TCF25: variants seen among roughly 807,000 people sequenced by gnomAD.
TCF25 encodes the protein ribosome quality control complex subunit TCF25.
TCF25 carries 41 observed loss-of-function variants against 83.1 expected under a neutral mutation model. The observed-to-expected ratio is 0.49, with a 90% CI of 0.38 to 0.64. TCF25 has a LOEUF of 0.64. Among genes scored for constraint, TCF25 ranks in the 30% least tolerant of loss-of-function variants. The pLI is 0.00. For missense variants in TCF25, 979 were observed against 914.5 expected (o/e 1.07, Z -0.91); for synonymous variants, 458 against 365.0 (o/e 1.25, Z -2.90).
chr16:89,885,296 C>CTCTGCTCTGTG (rs2042920153), intron 3 of TCF25, among the ~76,000 whole-genome samples: 1 of 152,174 alleles, frequency 6.6e-6, no homozygotes. Flanking sequence ...CTGGTTGGCG[C>CTCTGCTCTGTG]TCTGCTCTGT....
chr16:89,884,879 GC>G (rs1203181776), intron 3 of TCF25, among the ~76,000 whole-genome samples: 5 of 73,766 alleles, frequency 6.8e-5, no homozygotes, highest in African/African-American at 1.7e-4. Context: ...TCTGCCTGAC[GC>G]CCCTCTCCCT....
intron 6 of TCF25, 126 bp from the exon 7 acceptor site, chr16:89,893,602 C>A: frequency 6.9e-7 from 1 of 1,454,694 alleles, no homozygotes; most frequent in Non-Finnish European, 9.4e-7. Context: ...CATGAGTACA[C>A]ACTCAGGTCA....
intron 1 of TCF25, among the ~76,000 whole-genome samples, chr16:89,878,246 C>T (rs1477699636): frequency 3.3e-5 from 5 of 151,820 alleles, no homozygotes; most frequent in African/African-American, 1.2e-4. Context: ...CGCCACCGTA[C>T]TCCAGCCTGG....
intron 1 of TCF25, chr16:89,874,750 G>GTGGA (rs941269058): frequency 3.9e-5 from 6 of 152,048 alleles, no homozygotes; most frequent in African/African-American, 1.5e-4. Context: ...AGGACTACAG[G>GTGGA]TGGATGTCAC....
chr16:89,905,163 G>A, intron 14 of TCF25, 67 bp downstream of exon 14: 1 of 1,476,242 alleles, frequency 6.8e-7, no homozygotes, highest in Admixed American at 2.4e-5. Flanking sequence ...CAGACACGGG[G>A]GCCTCGCATT....
At position 89,875,820 on chromosome 16, in the gene TCF25, C is replaced by CTTTTTTTTTTTTT. The variant is rs1164528945; in HGVS notation, c.192+1977_192+1989dup. Reference sequence around the variant, plus strand: ...TACAGGCGTGAGCCACTGCGCCTGGCTTTTTTTTTTTTTTTTTTTTTTTTT... The same window carrying CTTTTTTTTTTTTT: ...TACAGGCGTGAGCCACTGCGCCTGGCTTTTTTTTTTTTTTTTTTTTTTTTTTTTTTTTTTTTTT... On this transcript the variant is annotated intron_variant, in intron 1 of 17. Transcript: ENST00000263346. Among the ~76,000 whole-genome samples the CTTTTTTTTTTTTT allele has an allele frequency of 7.7e-4, 50 of 64,862 alleles. 13 individuals carry two copies. The highest frequency in any genetic ancestry group is 2.8e-3 in the South Asian group (5 of 1,800). 42.6% of individuals were successfully genotyped at this position (64,862 alleles called of 152,430 possible). A position where few individuals can be genotyped will look rare whatever the true frequency, so the allele number is the denominator to read the frequency against.
intron 5 of TCF25, chr16:89,890,268 A>T (rs2043326421): frequency 6.6e-6 from 1 of 152,316 alleles, no homozygotes; most frequent in Non-Finnish European, 1.5e-5. Context: ...CCCCAATGGT[A>T]GCATGTGTCC....
intron 7 of TCF25, among the ~76,000 whole-genome samples, chr16:89,894,450 G>C (rs541933406): frequency 3.5e-4 from 54 of 152,248 alleles, no homozygotes; most frequent in South Asian, 6.2e-4. Context: ...GACAGCCTCC[G>C]CAGAGCTCCC....
chr16:89,882,680 G>A (rs557195018), intron 1 of TCF25, among the ~76,000 whole-genome samples: 3 of 152,280 alleles, frequency 2.0e-5, no homozygotes, highest in African/African-American at 4.8e-5. Context: ...TCTGCCTCCC[G>A]GGTTCAAACG....
chr16:89,907,289 C>T lies in TCF25; in HGVS notation c.1766C>T (p.Ser589Leu), dbSNP rs368988796. ...SVMGFDPLPP[S>L]DTIYSYVRPE... is the part of the protein sequence containing the mutation. ...ATGGGGTTTGATCCTCTGCCTCCTT[C>T]GGACACAATCTACTCCTACGTCAGG... Residue 589 changes from serine to leucine, a missense_variant, in exon 16 of 18, where the codon TCG becomes TTG. Coordinates refer to ENST00000263346, the MANE Select transcript of TCF25 (RefSeq NM_014972.3). 180 of 1,612,714 alleles carry T rather than the reference C, an allele frequency of 1.1e-4. No individual in the cohort carries two copies. The highest frequency in any genetic ancestry group is 6.9e-4 in the South Asian group (63 of 91,092).
At chr16:89,895,815 A>G (rs2043806620) in intron 8 of TCF25, among the ~76,000 whole-genome samples, 175 bp from the exon 9 acceptor site, 1 of 152,224 alleles carries the variant, frequency 6.6e-6, no homozygotes, top group African/African-American at 2.4e-5. Flanking sequence ...CTGTGGTTGA[A>G]ATAAATGCAG....
intron 7 of TCF25, among the ~76,000 whole-genome samples, chr16:89,894,238 CCA>C (rs2043652861): frequency 6.6e-6 from 1 of 151,808 alleles, no homozygotes; most frequent in Non-Finnish European, 1.5e-5. Context: ...CGGACGGCCC[CCA>C]CACGGCCCCG....
chr16:89,883,498 G>A lies in TCF25; in HGVS notation c.340G>A (p.Val114Met). 2 of 1,607,710 alleles carry A rather than the reference G, an allele frequency of 1.2e-6. No homozygotes were observed. The highest frequency in any genetic ancestry group is 1.7e-6 in the Non-Finnish European group (2 of 1,177,438). The change falls in exon 2 of 18, where the codon GTG becomes ATG. Residue 114 changes from valine (V) to methionine (M), a missense_variant. Physicochemically the swap from Val to Met is conservative, Grantham distance 21. Coordinates refer to ENST00000263346, the MANE Select transcript of TCF25 (RefSeq NM_014972.3). ...GACGGATGGAGATGACACCGAGACA[G>A]TGCCCTCAGAGCAGGTGGGGGGCTG... is the stretch of plus-strand genomic sequence containing the variant. Reference protein sequence around the residue: ...SKTDGDDTETVPSEQSHASGK... With the variant: ...SKTDGDDTETMPSEQSHASGK...
At chr16:89,885,371 T>G (rs2042925353) in intron 3 of TCF25, among the ~76,000 whole-genome samples, 1 of 152,226 alleles carries the variant, frequency 6.6e-6, no homozygotes, top group African/African-American at 2.4e-5. Flanking sequence ...CTGTGACCCG[T>G]GGGACACTTG....
chr16:89,873,874 G>T lies in TCF25; in HGVS notation c.192+15G>T. ...GCTTCGAGCTGGTGAGGAGCGCGGC[G>T]GCCCGGGTGGGGGTGGGGTGGCCCT... On this transcript the variant is annotated intron_variant, in intron 1 of 17. Transcript: ENST00000263346. The T allele has an allele frequency of 1.3e-6, 2 of 1,498,240 alleles. No homozygotes were observed. The highest frequency in any genetic ancestry group is 2.7e-5 in the East Asian group (1 of 36,518). 92.8% of individuals were successfully genotyped at this position (1,498,240 alleles called of 1,614,324 possible).
intron 5 of TCF25, among the ~76,000 whole-genome samples, chr16:89,888,076 G>A (rs1472233175): frequency 6.6e-6 from 1 of 151,268 alleles, no homozygotes; most frequent in Non-Finnish European, 1.5e-5. Context: ...GACCAGCTGG[G>A]CAACATAGTG....
intron 3 of TCF25, among the ~76,000 whole-genome samples, chr16:89,885,020 ACGCCC>A (rs1370653088): frequency 1.0e-5 from 1 of 99,446 alleles, no homozygotes; most frequent in African/African-American, 4.1e-5. Context: ...CCTCTGCCTG[ACGCCC>A]TCTCCCTCTG....
chr16:89,902,580 T>C (rs2044426334), intron 12 of TCF25, among the ~76,000 whole-genome samples: 1 of 147,548 alleles, frequency 6.8e-6, no homozygotes. Flanking sequence ...TCCCAGCTAC[T>C]TGGGAGGCTG....
In TCF25 at chr16:89,911,116, A is replaced by C. The variant is rs761417340; in HGVS notation, c.1909A>C (p.Asn637His). ...CGAGGAAGGAGTGGCTGGGGGTCTG[A>C]ACCGCAACCAGGGCCTGAACAGGCT... is the stretch of plus-strand genomic sequence containing the variant. ...RPEEGVAGGL[N>H]RNQGLNRLML... Residue 637 changes from asparagine (N) to histidine (H), a missense_variant, in exon 18 of 18, where the codon AAC becomes CAC. By Grantham distance (68) the Asn-to-His change is moderately conservative. Transcript: ENST00000263346. 2 of 1,611,526 alleles carry C rather than the reference A, an allele frequency of 1.2e-6. No homozygotes were observed. The highest frequency in any genetic ancestry group is 1.1e-5 in the South Asian group (1 of 91,008).
Sources: allele counts gnomAD v4.1 joint callset (sites outside exome capture counted in the v4.1 genomes callset), GRCh38; gene constraint gnomAD v4.1.1; transcripts MANE v1.5; gene names NCBI Gene and HGNC (gene_info 2026-07-23, HGNC 2026-07-21).